ROBO1: variants seen among roughly 807,000 people sequenced by gnomAD.
The protein encoded by ROBO1 is roundabout guidance receptor 1.
A neutral mutation model predicts 195.9 loss-of-function variants in ROBO1; 149 were observed. The observed-to-expected ratio is 0.76, with a 90% confidence interval of 0.67 to 0.87. The LOEUF is 0.87. Ranked by LOEUF, ROBO1 falls within the 40% of genes least tolerant of loss-of-function variation. The pLI, the probability that ROBO1 is intolerant of heterozygous loss-of-function variation, is 0.00. For synonymous variants in ROBO1, 816 were observed against 733.2 expected (o/e 1.11, Z -1.82); for missense variants, 1,933 against 2,068.3 (o/e 0.93, Z 1.27).
chr3:79,728,572 A>G (rs1046994430), intron 1 of ROBO1, among the ~76,000 whole-genome samples: 3 of 152,204 alleles, frequency 2.0e-5, no homozygotes, highest in African/African-American at 7.2e-5. Flanking sequence ...TCACATTTTA[A>G]TACTAGTATT....
At chr3:79,094,489 C>G (rs1231354096) in intron 3 of ROBO1, among the ~76,000 whole-genome samples, 1 of 152,086 alleles carries the variant, frequency 6.6e-6, no homozygotes, top group African/African-American at 2.4e-5. Context: ...TTTCACTGCA[C>G]ATGGCAGGTC....
At chr3:78,647,806 C>T (rs1363477843) in intron 19 of ROBO1, among the ~76,000 whole-genome samples, 151 bp from the exon 20 acceptor site, 2 of 151,916 alleles carry the variant, frequency 1.3e-5, no homozygotes, top group Non-Finnish European at 2.9e-5. Flanking sequence ...ATGAATAAAA[C>T]CAATTCTGAG....
intron 1 of ROBO1, among the ~76,000 whole-genome samples, chr3:79,665,567 T>C (rs1201549916): frequency 1.3e-5 from 2 of 151,972 alleles, no homozygotes; most frequent in East Asian, 1.9e-4. Context: ...GGTCTTGTAA[T>C]GTAAATCAGT....
At chr3:78,881,366 A>C (rs1002176985) in intron 4 of ROBO1, among the ~76,000 whole-genome samples, 9 of 152,128 alleles carry the variant, frequency 5.9e-5, no homozygotes, top group African/African-American at 1.9e-4. Flanking sequence ...ACAAACATTC[A>C]GTTCTTTGTT....
intron 4 of ROBO1, among the ~76,000 whole-genome samples, chr3:78,828,375 T>C (rs2031828464): frequency 6.6e-6 from 1 of 152,184 alleles, no homozygotes; most frequent in South Asian, 2.1e-4. Context: ...TGGAACAGAT[T>C]GCACTGCTAG....
Position 79,022,503 on chromosome 3 carries a change from A to G in ROBO1, c.173-83576T>C, listed in dbSNP as rs534323538. Among the ~76,000 whole-genome samples, 3 of 152,318 alleles carry G rather than the reference A, an allele frequency of 2.0e-5. No homozygotes were observed. The East Asian group carries it at 5.8e-4, about 29-fold the overall frequency. On this transcript the variant is annotated intron_variant, in intron 3 of 30. Coordinates refer to ENST00000464233, the MANE Select transcript of ROBO1 (RefSeq NM_002941.4). ...TTTCACTTTTGCTCCTGAACTTTAA[A>G]TTACCCAGAAGAATGCCTGAAATGC... is the stretch of plus-strand genomic sequence containing the variant.
chr3:79,618,434 T>C (rs1178917127), intron 1 of ROBO1, among the ~76,000 whole-genome samples: 1 of 152,152 alleles, frequency 6.6e-6, no homozygotes, highest in South Asian at 2.1e-4. Context: ...CATTGTGATT[T>C]GTCCTGCCCC....
At chr3:79,681,171 A>T (rs914465952) in intron 1 of ROBO1, among the ~76,000 whole-genome samples, 1 of 152,022 alleles carries the variant, frequency 6.6e-6, no homozygotes, top group African/African-American at 2.4e-5. Context: ...TTTGATAGAT[A>T]ACGATGAAGG....
intron 3 of ROBO1, among the ~76,000 whole-genome samples, chr3:78,996,850 T>C (rs1379626858): frequency 6.6e-6 from 1 of 152,164 alleles, no homozygotes; most frequent in African/African-American, 2.4e-5. Flanking sequence ...AGAATACATG[T>C]TTATATGTGT....
intron 27 of ROBO1, among the ~76,000 whole-genome samples, chr3:78,615,898 T>A (rs927211689): frequency 1.3e-5 from 2 of 152,208 alleles, no homozygotes; most frequent in Non-Finnish European, 2.9e-5. Flanking sequence ...GAAAAGACAC[T>A]GCAATAAGCA....
chr3:78,825,163 T>C (rs1236190140), intron 4 of ROBO1, among the ~76,000 whole-genome samples: 1 of 152,176 alleles, frequency 6.6e-6, no homozygotes, highest in East Asian at 1.9e-4. Flanking sequence ...AGTTTAAAAA[T>C]ACCCTATATA....
At chr3:78,725,937 T>G (rs1467779137) in intron 5 of ROBO1, among the ~76,000 whole-genome samples, 1 of 147,182 alleles carries the variant, frequency 6.8e-6, no homozygotes, top group Non-Finnish European at 1.5e-5. Context: ...CACAGGAATT[T>G]TTTTTTTTTT....
chr3:79,285,224 C>CA (rs1374636980), intron 2 of ROBO1, among the ~76,000 whole-genome samples: 1 of 152,104 alleles, frequency 6.6e-6, no homozygotes, highest in Non-Finnish European at 1.5e-5. Flanking sequence ...AAAAAAGCAG[C>CA]AAGGAAGGGT....
intron 5 of ROBO1, among the ~76,000 whole-genome samples, chr3:78,737,657 C>T (rs1041881109): frequency 6.6e-6 from 1 of 152,082 alleles, no homozygotes; most frequent in African/African-American, 2.4e-5. Flanking sequence ...CAAGCCTATG[C>T]TTTGTTCTAC....
Position 79,732,860 on chromosome 3 carries a change from G to T in ROBO1, c.-51+34892C>A, listed in dbSNP as rs530500944. Among the ~76,000 whole-genome samples the T allele has an allele frequency of 2.0e-5, 3 of 151,946 alleles. No individual in the cohort carries two copies. The East Asian group carries it at 5.8e-4, about 30-fold the overall frequency. ...TAGTTTAAGTGACCCTCTTTGATTAGCTTACATTTTCATGTTTTAAAGTGC... is the reference window on the plus strand; with the variant it reads ...TAGTTTAAGTGACCCTCTTTGATTATCTTACATTTTCATGTTTTAAAGTGC... On this transcript the variant is annotated intron_variant, in intron 1 of 30. Coordinates refer to ENST00000464233, the MANE Select transcript of ROBO1 (RefSeq NM_002941.4).
At chr3:78,802,259 T>A (rs559854122) in intron 4 of ROBO1, among the ~76,000 whole-genome samples, 20 of 152,246 alleles carry the variant, frequency 1.3e-4, no homozygotes, top group African/African-American at 4.8e-4. Flanking sequence ...TCAAACTAAT[T>A]TTACAATCTC....
rs1211749787 is a variant in ROBO1 at position 78,821,279 on chromosome 3, C to T, written c.500-74379G>A. Among the ~76,000 whole-genome samples, 8 of 151,326 alleles carry T rather than the reference C, an allele frequency of 5.3e-5. No homozygotes were observed. In the East Asian group the frequency reaches 1.6e-3, roughly 29 times the overall value. On this transcript the variant is annotated intron_variant, in intron 4 of 30. Coordinates refer to ENST00000464233, the MANE Select transcript of ROBO1 (RefSeq NM_002941.4). The stretch of plus-strand genomic sequence containing the variant: ...CTCCTGGGCTCAAGCAATTCTCCTG[C>T]CTCAGCCTCCCGAGTAACTGGGATT...
chr3:79,503,156 G>A (rs568681746), intron 2 of ROBO1, among the ~76,000 whole-genome samples: 144 of 152,230 alleles, frequency 9.5e-4, no homozygotes, highest in Non-Finnish European at 1.7e-3. Flanking sequence ...CACTCACTGC[G>A]AAGGTTTGCA....
intron 2 of ROBO1, among the ~76,000 whole-genome samples, chr3:79,415,577 G>C (rs1369390707): frequency 6.6e-6 from 1 of 152,086 alleles, no homozygotes; most frequent in Non-Finnish European, 1.5e-5. Flanking sequence ...TATGGGTAGA[G>C]ACCTTTTCAG....
Sources: gnomAD v4.1 joint callset for allele counts (sites outside exome capture counted in the v4.1 genomes callset) on GRCh38, gnomAD v4.1.1 for gene constraint, MANE v1.5 for transcripts, NCBI Gene and HGNC (gene_info 2026-07-23, HGNC 2026-07-21) for gene names.